ADAM7: variants seen among roughly 807,000 people sequenced by gnomAD.
ADAM7 encodes the protein ADAM metallopeptidase domain 7.
In ADAM7, 97 loss-of-function variants were observed where a neutral mutation model predicts 102.9. That is an observed-to-expected ratio of 0.94 (90% CI 0.80 to 1.12). The LOEUF (loss-of-function observed/expected upper bound fraction) is 1.12, where lower values mean the gene tolerates loss of function less well. Among genes scored for constraint, ADAM7 ranks in the 50% most tolerant of loss-of-function variants. ADAM7 has a pLI of 0.00. For synonymous variants in ADAM7, 334 were observed against 304.4 expected, an observed-to-expected ratio of 1.10 and a Z score of -1.01; for missense variants, 991 against 908.7, an observed-to-expected ratio of 1.09 and a Z score of -1.16.
intron 3 of ADAM7, among the ~76,000 whole-genome samples, chr8:24,459,665 G>A (rs1819170006): frequency 6.6e-6 from 1 of 151,972 alleles, no homozygotes; most frequent in South Asian, 2.1e-4. Flanking sequence ...TCGCCTTGTT[G>A]CCCAGGCTGG....
chr8:24,483,304 T>A (rs1820024174), intron 9 of ADAM7, among the ~76,000 whole-genome samples: 1 of 152,198 alleles, frequency 6.6e-6, no homozygotes. Flanking sequence ...AGTCCTGTTA[T>A]CCTAAAGAAT....
At chr8:24,444,295 T>C (rs908452808) in intron 2 of ADAM7, among the ~76,000 whole-genome samples, 9 of 150,954 alleles carry the variant, frequency 6.0e-5, no homozygotes, top group Non-Finnish European at 1.0e-4. Flanking sequence ...ATTAAATAAA[T>C]AAATTGAAAA....
chr8:24,467,240 T>C, intron 6 of ADAM7: 1 of 499,374 alleles, frequency 2.0e-6, no homozygotes, highest in Non-Finnish European at 3.5e-6. Context: ...ATTGGGGCTA[T>C]GAGTAGTTGG....
At chr8:24,466,668 C>G in intron 5 of ADAM7, 131 bp from the exon 6 acceptor site, 1 of 725,736 alleles carries the variant, frequency 1.4e-6, no homozygotes, top group Non-Finnish European at 2.2e-6. Context: ...TTCCTTACCA[C>G]TGAAAGCACT....
At chr8:24,501,439 T>A (rs375190610) in intron 19 of ADAM7, 38 bp from the exon 20 acceptor site, 1 of 1,466,512 alleles carries the variant, frequency 6.8e-7, no homozygotes, top group Non-Finnish European at 9.4e-7. Context: ...AATAGCCCTA[T>A]ATCTAATAAA....
At chr8:24,473,844 A>G (rs1819685375) in intron 7 of ADAM7, among the ~76,000 whole-genome samples, 1 of 152,114 alleles carries the variant, frequency 6.6e-6, no homozygotes, top group Non-Finnish European at 1.5e-5. Context: ...ACATGAATAG[A>G]TTTTTAAAAA....
chr8:24,493,159 C>G lies in ADAM7; in HGVS notation c.1772C>G (p.Thr591Ser). 1 of 1,613,364 alleles carries G rather than the reference C, an allele frequency of 6.2e-7. No homozygotes were observed. The highest frequency in any genetic ancestry group is 8.5e-7 in the Non-Finnish European group (1 of 1,179,642). Reference protein sequence around the residue: ...PQKNATVKCKTIFLYHDSTDI... With the variant: ...PQKNATVKCKSIFLYHDSTDI... ...AAGAATGCTACTGTCAAATGCAAAACTATTTTTTTATACCATGATTCTACA... is the reference window on the plus strand; with the variant it reads ...AAGAATGCTACTGTCAAATGCAAAAGTATTTTTTTATACCATGATTCTACA... Residue 591 changes from threonine to serine, a missense_variant, in exon 16 of 22, where the codon ACT becomes AGT. By Grantham distance (58) the Thr-to-Ser change is moderately conservative. Coordinates refer to ENST00000175238, the MANE Select transcript of ADAM7 (RefSeq NM_003817.4).
At chr8:24,492,944 C>G (rs562126029) in intron 15 of ADAM7, 99 bp from the exon 16 acceptor site, 2 of 1,267,226 alleles carry the variant, frequency 1.6e-6, no homozygotes, top group Non-Finnish European at 2.1e-6. Context: ...GGCAAGAAAC[C>G]TGGATCTAGA....
chr8:24,509,043 G>A lies in ADAM7; in HGVS notation c.*497G>A, dbSNP rs1161995067. The stretch of plus-strand genomic sequence containing the variant: ...CAAAGAAGGCAGGGCAGAGCGGCAC[G>A]GATTCTAGGTAATTAAAAGTGAAAG... On this transcript the variant is annotated 3_prime_UTR_variant, in exon 22 of 22. Transcript: ENST00000175238. The A allele has an allele frequency of 2.1e-5, 21 of 987,296 alleles. No individual in the cohort carries two copies. The highest frequency in any genetic ancestry group is 2.5e-5 in the Non-Finnish European group (21 of 831,334). 61.2% of individuals were successfully genotyped at this position (987,296 alleles called of 1,614,324 possible).
Position 24,487,760 on chromosome 8 carries a change from T to C in ADAM7, c.1091+443T>C, listed in dbSNP as rs571662399. 1.4e-4 allele frequency among the ~76,000 whole-genome samples: 21 copies of C among 152,276 alleles called. No homozygotes were observed. The East Asian group carries it at 3.9e-3, about 28-fold the overall frequency. ...TTTCCTAAAAAGTCTATTCCATAAC[T>C]AGGCGTGGCAGTTTTCTTTCTGGGG... is the stretch of plus-strand genomic sequence containing the variant. On this transcript the variant is annotated intron_variant, in intron 11 of 21. Transcript: ENST00000175238.
chr8:24,508,736 C>G lies in ADAM7; in HGVS notation c.*190C>G. 7.1e-7 allele frequency: 1 copy of G among 1,414,862 alleles called. No individual in the cohort carries two copies. The highest frequency in any genetic ancestry group is 9.2e-7 in the Non-Finnish European group (1 of 1,082,470). The allele number at this position is 1,414,862 out of a possible 1,614,324, so 87.6% of individuals were successfully genotyped here. On this transcript the variant is annotated 3_prime_UTR_variant, in exon 22 of 22. Coordinates refer to ENST00000175238, the MANE Select transcript of ADAM7 (RefSeq NM_003817.4). Reference sequence around the variant, plus strand: ...TAATATTTACCGGTAGAATTCACACCCTCTATCATAAACATATGCTGCAGA... The same window carrying G: ...TAATATTTACCGGTAGAATTCACACGCTCTATCATAAACATATGCTGCAGA...
intron 1 of ADAM7, among the ~76,000 whole-genome samples, chr8:24,441,403 G>T (rs1818368693): frequency 6.6e-6 from 1 of 152,202 alleles, no homozygotes; most frequent in Non-Finnish European, 1.5e-5. Flanking sequence ...TCTGCAGCAT[G>T]GCAGGCACTG....
chr8:24,489,110 C>T, intron 11 of ADAM7, 49 bp from the exon 12 acceptor site: 1 of 1,522,342 alleles, frequency 6.6e-7, no homozygotes, highest in Non-Finnish European at 8.9e-7. Flanking sequence ...CACTGTACCA[C>T]TATGCATTGA....
chr8:24,494,729 T>C (rs1820495816), intron 16 of ADAM7, among the ~76,000 whole-genome samples: 1 of 152,204 alleles, frequency 6.6e-6, no homozygotes, highest in African/African-American at 2.4e-5. Flanking sequence ...AAATCTCTTT[T>C]TGGCATTGAT....
At chr8:24,443,049 A>G (rs1216685881) in intron 2 of ADAM7, among the ~76,000 whole-genome samples, 1 of 152,228 alleles carries the variant, frequency 6.6e-6, no homozygotes, top group East Asian at 1.9e-4. Context: ...GATTACTTTC[A>G]AAAGTAACGA....
At chr8:24,502,687 A>G (rs1168436838) in intron 20 of ADAM7, among the ~76,000 whole-genome samples, 2 of 152,106 alleles carry the variant, frequency 1.3e-5, no homozygotes, top group Non-Finnish European at 2.9e-5. Context: ...TTACTCATGA[A>G]AAACAGATAA....
At chr8:24,449,471 A>G (rs188759205) in intron 3 of ADAM7, among the ~76,000 whole-genome samples, 1 of 152,232 alleles carries the variant, frequency 6.6e-6, no homozygotes, top group East Asian at 1.9e-4. Flanking sequence ...GTGTCTGTTC[A>G]TGGCCTTAGC....
At chr8:24,451,613 T>C (rs1219755653) in intron 3 of ADAM7, among the ~76,000 whole-genome samples, 1 of 152,040 alleles carries the variant, frequency 6.6e-6, no homozygotes, top group Non-Finnish European at 1.5e-5. Context: ...CCTGGATTCA[T>C]TAATTTTTTG....
chr8:24,493,349 G>T, intron 16 of ADAM7, 120 bp downstream of exon 16: 1 of 889,996 alleles, frequency 1.1e-6, no homozygotes, highest in Non-Finnish European at 1.6e-6. Context: ...ATATTGACAA[G>T]TATTTTTTTA....
Sources: gnomAD v4.1 joint callset for allele counts (sites outside exome capture counted in the v4.1 genomes callset) on GRCh38, gnomAD v4.1.1 for gene constraint, MANE v1.5 for transcripts, NCBI Gene and HGNC (gene_info 2026-07-23, HGNC 2026-07-21) for gene names.